The following ZNF461 variants were observed in gnomAD, a reference collection of about 807,000 sequenced individuals.
ZNF461 encodes zinc finger protein 461.
A neutral mutation model predicts 18.3 loss-of-function variants in ZNF461; 16 were observed. That is an observed-to-expected ratio of 0.88 (90% CI 0.59 to 1.33). The LOEUF is 1.33. ZNF461 is among the 40% of genes most tolerant of loss of function. The pLI, the probability that ZNF461 is intolerant of heterozygous loss-of-function variation, is 0.00. For synonymous variants in ZNF461, 179 were observed against 216.9 expected, an observed-to-expected ratio of 0.83 and a Z score of 1.54; for missense variants, 595 against 669.9, an observed-to-expected ratio of 0.89 and a Z score of 1.23.
At chr19:36,643,184 T>G (rs1408565313) in intron 5 of ZNF461, 2 of 152,196 alleles carry the variant, frequency 1.3e-5, no homozygotes, top group Non-Finnish European at 2.9e-5. Flanking sequence ...TTTTACTAAG[T>G]GAACATACCT....
intron 4 of ZNF461, among the ~76,000 whole-genome samples, chr19:36,650,864 T>G (rs1255537292): frequency 7.1e-6 from 1 of 141,344 alleles, no homozygotes; most frequent in African/African-American, 2.6e-5. Context: ...TCATTCATAT[T>G]AAAAAAAAAA....
chr19:36,657,020 A>G (rs2037734553), intron 3 of ZNF461, among the ~76,000 whole-genome samples: 1 of 150,364 alleles, frequency 6.7e-6, no homozygotes, highest in Admixed American at 6.6e-5. Context: ...GGTTTGGCCC[A>G]TATTGGCCAG....
In ZNF461 at chr19:36,639,454, A is replaced by T. The variant is rs772328770; in HGVS notation, c.891T>A (p.Gly297=). 5 of 1,613,872 alleles carry T rather than the reference A, an allele frequency of 3.1e-6. No individual in the cohort carries two copies. The highest frequency in any genetic ancestry group is 4.2e-6 in the Non-Finnish European group (5 of 1,179,952). The part of the protein sequence containing the change: ...ELTLHQRIHT[G]EKPYECKECG... ...ATTCTTTACATTCATAAGGTTTCTC[A>T]CCAGTGTGAATTCTTTGATGTAGAG... Residue 297 remains glycine, a synonymous_variant, in exon 6 of 6, where the codon GGT becomes GGA. Coordinates refer to ENST00000588268, the MANE Select transcript of ZNF461 (RefSeq NM_153257.5).
At chr19:36,640,505 T>C (rs73036223) in intron 5 of ZNF461, among the ~76,000 whole-genome samples, 15,840 of 152,242 alleles carry the variant, frequency 0.1, 1,084 homozygotes, top group South Asian at 0.24. Flanking sequence ...AAGCTGCCAA[T>C]ATAAACTCTG....
In ZNF461 at chr19:36,637,774, G is replaced by C; in HGVS notation, c.*879C>G. On this transcript the variant is annotated 3_prime_UTR_variant, in exon 6 of 6. Transcript: ENST00000588268. Reference sequence around the variant, plus strand: ...TATGAATAACCTACTTTTGTCCAAAGAATTTATGAAATTTACATGAAATAT... The same window carrying C: ...TATGAATAACCTACTTTTGTCCAAACAATTTATGAAATTTACATGAAATAT... 1 of 410,162 alleles carries C rather than the reference G, an allele frequency of 2.4e-6. No homozygotes were observed. The highest frequency in any genetic ancestry group is 1.8e-5 in the South Asian group (1 of 54,594). The allele number at this position is 410,162 out of a possible 1,614,324, so 25.4% of individuals were successfully genotyped here. A position where few individuals can be genotyped will look rare whatever the true frequency, so the allele number is the denominator to read the frequency against.
intron 4 of ZNF461, among the ~76,000 whole-genome samples, chr19:36,647,527 A>G (rs2145382053): frequency 6.6e-6 from 1 of 152,256 alleles, no homozygotes; most frequent in African/African-American, 2.4e-5. Flanking sequence ...TGACAGAGCA[A>G]GACTCTGTCT....
chr19:36,665,708 CAAAA>C (rs750223990), intron 1 of ZNF461, among the ~76,000 whole-genome samples: 2 of 77,890 alleles, frequency 2.6e-5, no homozygotes. Flanking sequence ...AACTTCGTCT[CAAAA>C]AAAAAAAAAA....
intron 1 of ZNF461, among the ~76,000 whole-genome samples, chr19:36,665,750 T>C (rs2037908404): frequency 1.4e-5 from 2 of 144,376 alleles, no homozygotes; most frequent in Non-Finnish European, 3.0e-5. Context: ...ACAATGTGTA[T>C]TGTGGCCAAA....
chr19:36,662,994 A>T (rs1015218729), intron 2 of ZNF461, among the ~76,000 whole-genome samples: 1 of 152,146 alleles, frequency 6.6e-6, no homozygotes, highest in Non-Finnish European at 1.5e-5. Context: ...AATGTCTCTT[A>T]CTGCTGGTAA....
At chr19:36,643,885 A>C in intron 4 of ZNF461, 23 bp from the exon 5 acceptor site, 1 of 1,430,954 alleles carries the variant, frequency 7.0e-7, no homozygotes, top group Non-Finnish European at 9.4e-7. Flanking sequence ...AAAAGAATAA[A>C]TACTTCATTT....
chr19:36,658,248 T>C (rs2037757768), intron 3 of ZNF461, 51 bp downstream of exon 3: 1 of 1,551,432 alleles, frequency 6.4e-7, no homozygotes, highest in Non-Finnish European at 8.7e-7. Context: ...AGATTGTGAA[T>C]TGTTAGCGGA....
chr19:36,652,758 A>G (rs1270269873), intron 4 of ZNF461, among the ~76,000 whole-genome samples: 3 of 152,168 alleles, frequency 2.0e-5, no homozygotes, highest in Admixed American at 1.3e-4. Flanking sequence ...ATGCTGTGGA[A>G]GCTTTGTTCT....
intron 1 of ZNF461, among the ~76,000 whole-genome samples, chr19:36,665,503 G>A (rs550574221): frequency 6.6e-6 from 1 of 152,252 alleles, no homozygotes; most frequent in South Asian, 2.1e-4. Flanking sequence ...GAGGTCAGGG[G>A]CTCAAGACCA....
At chr19:36,659,094 G>T (rs2037774619) in intron 2 of ZNF461, among the ~76,000 whole-genome samples, 1 of 152,150 alleles carries the variant, frequency 6.6e-6, no homozygotes, top group African/African-American at 2.4e-5. Context: ...TTCTGGGGAT[G>T]TTCCTTCTGG....
Position 36,643,779 on chromosome 19 carries a change from T to C in ZNF461, c.301+15A>G, listed in dbSNP as rs1272586211. The C allele has an allele frequency of 2.0e-6, 3 of 1,517,324 alleles. No individual in the cohort carries two copies. The highest frequency in any genetic ancestry group is 1.4e-5 in the African/African-American group (1 of 71,288). 94.0% of individuals were successfully genotyped at this position (1,517,324 alleles called of 1,614,324 possible). On this transcript the variant is annotated intron_variant, in intron 5 of 5. Coordinates refer to ENST00000588268, the MANE Select transcript of ZNF461 (RefSeq NM_153257.5). ...GTACTTCTACTGTACTCTTAAAAACTGTATTTATTTATACCTGCATTTATG... is the reference window on the plus strand; with the variant it reads ...GTACTTCTACTGTACTCTTAAAAACCGTATTTATTTATACCTGCATTTATG...
rs943916237 is a variant in ZNF461 at position 36,656,927 on chromosome 19, C to G, written c.137-384G>C. 3.3e-5 allele frequency among the ~76,000 whole-genome samples: 5 copies of G among 151,696 alleles called. No homozygotes were observed. In the South Asian group the frequency reaches 1.0e-3, roughly 32 times the overall value. On this transcript the variant is annotated intron_variant, in intron 3 of 5. Coordinates refer to ENST00000588268, the MANE Select transcript of ZNF461 (RefSeq NM_153257.5). Reference sequence around the variant, plus strand: ...CTCCACTTCACGGGTTCAAGTGACTCTCCTGCCTCAGCCTCCTAAGTAGCT... The same window carrying G: ...CTCCACTTCACGGGTTCAAGTGACTGTCCTGCCTCAGCCTCCTAAGTAGCT...
rs74174423 is a variant in ZNF461, at chr19:36,652,500, C to CAA, written c.232+3946_232+3947dup. 5.9e-4 allele frequency among the ~76,000 whole-genome samples: 54 copies of CAA among 91,984 alleles called. 1 individual carries two copies. The highest frequency in any genetic ancestry group is 7.6e-4 in the Admixed American group (6 of 7,898). 60.3% of individuals were successfully genotyped at this position (91,984 alleles called of 152,430 possible). ...TGGGTGACAGAGCAAGACTCCGTCT[C>CAA]AAAAAAAAAAAAAACAAAAACTATA... On this transcript the variant is annotated intron_variant, in intron 4 of 5. Coordinates refer to ENST00000588268, the MANE Select transcript of ZNF461 (RefSeq NM_153257.5).
intron 4 of ZNF461, among the ~76,000 whole-genome samples, chr19:36,644,199 C>G (rs894622973): frequency 6.6e-6 from 1 of 151,938 alleles, no homozygotes; most frequent in Non-Finnish European, 1.5e-5. Context: ...TCCCAAAGTG[C>G]TGGGATTACA....
At chr19:36,656,143 G>T (rs977916875) in intron 4 of ZNF461, among the ~76,000 whole-genome samples, 1 of 151,412 alleles carries the variant, frequency 6.6e-6, no homozygotes, top group Non-Finnish European at 1.5e-5. Flanking sequence ...GACTACAGGC[G>T]CCCACCACTG....
Sources: gnomAD v4.1 joint callset for allele counts (sites outside exome capture counted in the v4.1 genomes callset) on GRCh38, gnomAD v4.1.1 for gene constraint, MANE v1.5 for transcripts, NCBI Gene and HGNC (gene_info 2026-07-23, HGNC 2026-07-21) for gene names.